The following SHPRH variants were observed in gnomAD, a reference collection of about 807,000 sequenced individuals.
SHPRH encodes SNF2 histone linker PHD RING helicase.
In SHPRH, 106 loss-of-function variants were observed where a neutral mutation model predicts 202.5. That is an observed-to-expected ratio of 0.52 (90% CI 0.45 to 0.62). The LOEUF (loss-of-function observed/expected upper bound fraction) is 0.62. Ranked by LOEUF, SHPRH falls within the 20% of genes least tolerant of loss-of-function variation. The pLI is 0.00. For missense variants in SHPRH, 1,710 were observed against 2,020.0 expected, an observed-to-expected ratio of 0.85 and a Z score of 2.94; for synonymous variants, 729 against 686.0, an observed-to-expected ratio of 1.06 and a Z score of -0.98.
intron 23 of SHPRH, among the ~76,000 whole-genome samples, chr6:145,915,014 C>T (rs1783824252): frequency 6.6e-6 from 1 of 151,216 alleles, no homozygotes; most frequent in Admixed American, 6.6e-5. Flanking sequence ...CTTTCTTGTC[C>T]ATTCCTCTGA....
intron 17 of SHPRH, among the ~76,000 whole-genome samples, chr6:145,924,056 A>C (rs191415872): frequency 8.3e-4 from 126 of 152,088 alleles, no homozygotes; most frequent in Non-Finnish European, 1.5e-3. Context: ...CTGTAACTAA[A>C]AAAACTGTTT....
intron 2 of SHPRH, among the ~76,000 whole-genome samples, chr6:145,953,372 A>G (rs1310345808): frequency 6.6e-6 from 1 of 152,100 alleles, no homozygotes; most frequent in Non-Finnish European, 1.5e-5. Context: ...GATCAGGAAA[A>G]ACAGAATAGA....
At chr6:145,912,363 A>T (rs1783572327) in intron 24 of SHPRH, among the ~76,000 whole-genome samples, 1 of 152,168 alleles carries the variant, frequency 6.6e-6, no homozygotes, top group Non-Finnish European at 1.5e-5. Flanking sequence ...TTCCAAGTGC[A>T]GGAAACCTAG....
chr6:145,919,243 C>T, intron 22 of SHPRH, 105 bp downstream of exon 22: 1 of 1,432,990 alleles, frequency 7.0e-7, no homozygotes. Flanking sequence ...ATTAAATACA[C>T]ACTTACAGTA....
chr6:145,952,516 G>C, intron 2 of SHPRH, 38 bp from the exon 3 acceptor site: 2 of 1,572,192 alleles, frequency 1.3e-6, no homozygotes, highest in Non-Finnish European at 8.6e-7. Flanking sequence ...AGTTTCATTT[G>C]AAATATACCA....
chr6:145,947,631 C>T lies in SHPRH; in HGVS notation c.1074G>A (p.Glu358=), dbSNP rs1193338542. 1.2e-6 allele frequency: 2 copies of T among 1,612,300 alleles called. No homozygotes were observed. The highest frequency in any genetic ancestry group is 1.3e-5 in the African/African-American group (1 of 74,840). The change falls in exon 6 of 30, where the codon GAG becomes GAA. Residue 358 remains glutamate (E), a synonymous_variant. Coordinates refer to ENST00000275233, the MANE Select transcript of SHPRH (RefSeq NM_001042683.3). ...YNPYTGCIIR[E]YPNSGPQLLG... ...GCAACTGCGGCCCAGAATTTGGGTA[C>T]TCACGAATGATGCTGAGGAAAAAAA...
chr6:145,910,367 G>A (rs1053568737), intron 25 of SHPRH, 81 bp downstream of exon 25: 2 of 1,485,072 alleles, frequency 1.3e-6, no homozygotes, highest in Admixed American at 1.8e-5. Context: ...TTGTTCTGAT[G>A]TTCATGCTTT....
intron 18 of SHPRH, among the ~76,000 whole-genome samples, chr6:145,923,211 T>C (rs929257964): frequency 6.6e-6 from 1 of 151,704 alleles, no homozygotes; most frequent in African/African-American, 2.4e-5. Flanking sequence ...GGATGAAACA[T>C]AAAAGCAGAA....
At chr6:145,949,544 T>TG (rs1787758930) in intron 4 of SHPRH, among the ~76,000 whole-genome samples, 1 of 152,006 alleles carries the variant, frequency 6.6e-6, no homozygotes, top group South Asian at 2.1e-4. Flanking sequence ...TATAAGTACA[T>TG]GGGGGCATAC....
At chr6:145,875,593 T>G (rs532066503) in intron 2 of SHPRH, among the ~76,000 whole-genome samples, 1 of 152,202 alleles carries the variant, frequency 6.6e-6, no homozygotes, top group African/African-American at 2.4e-5. Flanking sequence ...ATTATGTGAG[T>G]TGGAAGACCA....
downstream of SHPRH, among the ~76,000 whole-genome samples, chr6:145,880,214 T>C (rs1282022974): frequency 6.6e-6 from 1 of 152,154 alleles, no homozygotes; most frequent in Non-Finnish European, 1.5e-5. Context: ...AAGCCTAAAT[T>C]AGGTGCTTTA....
downstream of SHPRH, among the ~76,000 whole-genome samples, chr6:145,881,926 A>C (rs1327427791): frequency 6.6e-6 from 1 of 152,096 alleles, no homozygotes; most frequent in Admixed American, 6.6e-5. Flanking sequence ...CAACATAGCG[A>C]AACGCTGTCT....
Position 145,922,715 on chromosome 6 carries a change from T to C in SHPRH, c.3667A>G (p.Ile1223Val), listed in dbSNP as rs775566164. ...AGGTGACAGACTGTTGCAGACTCAA[T>C]AACATTACGAGATGGAGGTCCCTCC... The part of the protein sequence containing the change: ...NLEGPPSRNV[I>V]ESATVCHLRP... Residue 1223 changes from isoleucine to valine, a missense_variant, in exon 19 of 30, where the codon ATT becomes GTT. Transcript: ENST00000275233. 1 of 1,611,980 alleles carries C rather than the reference T, an allele frequency of 6.2e-7. No individual in the cohort carries two copies. Among genetic ancestry groups the C allele is most frequent in the Non-Finnish European group, 8.5e-7 (1 of 1,178,814 alleles).
intron 1 of SHPRH, among the ~76,000 whole-genome samples, chr6:145,955,971 A>G (rs1788464260): frequency 6.6e-6 from 1 of 152,132 alleles, no homozygotes; most frequent in Non-Finnish European, 1.5e-5. Context: ...AGTGACTCCT[A>G]TAGAATTTAT....
At chr6:145,893,661 C>G (rs954344879) in intron 27 of SHPRH, among the ~76,000 whole-genome samples, 1 of 152,034 alleles carries the variant, frequency 6.6e-6, no homozygotes, top group African/African-American at 2.4e-5. Flanking sequence ...GCAAATTAAA[C>G]TACATGAGGT....
intron 1 of SHPRH, among the ~76,000 whole-genome samples, chr6:145,963,348 C>T (rs1789300375): frequency 6.6e-6 from 1 of 152,000 alleles, no homozygotes. Flanking sequence ...AGAAAAAGCC[C>T]CAAGTTCCTT....
At chr6:145,937,244 A>G in intron 11 of SHPRH, among the ~76,000 whole-genome samples, 1 of 152,096 alleles carries the variant, frequency 6.6e-6, no homozygotes, top group Non-Finnish European at 1.5e-5. Context: ...TCAGCCTCCC[A>G]AAGTGCTGGG....
intron 23 of SHPRH, chr6:145,917,420 T>C (rs548208340): frequency 6.6e-6 from 1 of 152,276 alleles, no homozygotes; most frequent in South Asian, 2.1e-4. Flanking sequence ...CGCCATGCTA[T>C]ATCTATAATG....
intron 20 of SHPRH, among the ~76,000 whole-genome samples, chr6:145,922,033 G>A (rs1196158701): frequency 6.6e-6 from 1 of 151,930 alleles, no homozygotes; most frequent in Non-Finnish European, 1.5e-5. Flanking sequence ...TAGAGTCTGG[G>A]ATTTTACCAC....
Sources: allele counts gnomAD v4.1 joint callset (sites outside exome capture counted in the v4.1 genomes callset), GRCh38; gene constraint gnomAD v4.1.1; transcripts MANE v1.5; gene names NCBI Gene and HGNC (gene_info 2026-07-23, HGNC 2026-07-21).